Variants in TMEM217B observed in about 807,000 individuals in gnomAD.
TMEM217B encodes putative transmembrane protein 217B.
the TMEM217B span, among the ~76,000 whole-genome samples, chr6:37,242,141 G>A: frequency 7.9e-5 from 12 of 152,126 alleles, no homozygotes; most frequent in Non-Finnish European, 1.6e-4. Flanking sequence ...ACTGTGAAGG[G>A]CTTGATGTCC....
chr6:37,217,199 C>T, the TMEM217B span, among the ~76,000 whole-genome samples: 1 of 152,178 alleles, frequency 6.6e-6, no homozygotes, highest in Non-Finnish European at 1.5e-5. Flanking sequence ...GAGGCTGAAG[C>T]TGGAGAATCG....
chr6:37,252,356 A>G, the TMEM217B span, among the ~76,000 whole-genome samples: 5 of 152,116 alleles, frequency 3.3e-5, no homozygotes, highest in African/African-American at 1.2e-4. Context: ...ACAATGGCAG[A>G]GATGAATAGC....
chr6:37,251,975 C>T, the TMEM217B span, among the ~76,000 whole-genome samples: 1 of 152,140 alleles, frequency 6.6e-6, no homozygotes, highest in East Asian at 1.9e-4. Flanking sequence ...CTCACTGCAA[C>T]CTCCACCTCC....
At chr6:37,222,088 C>T in the TMEM217B span, among the ~76,000 whole-genome samples, 5 of 152,236 alleles carry the variant, frequency 3.3e-5, no homozygotes, top group African/African-American at 4.8e-5. Flanking sequence ...TCTAGCCATC[C>T]TCTGCCCTGC....
chr6:37,253,067 C>T, the TMEM217B span, among the ~76,000 whole-genome samples: 1 of 152,180 alleles, frequency 6.6e-6, no homozygotes, highest in Non-Finnish European at 1.5e-5. Context: ...CAATCTTTGA[C>T]AAAACCCATA....
the TMEM217B span, among the ~76,000 whole-genome samples, chr6:37,245,767 C>T: frequency 6.6e-6 from 1 of 150,672 alleles, no homozygotes; most frequent in Non-Finnish European, 1.5e-5. Flanking sequence ...GATCTACTAG[C>T]CTCTCATTTT....
chr6:37,240,789 G>C, the TMEM217B span, among the ~76,000 whole-genome samples: 3 of 152,028 alleles, frequency 2.0e-5, no homozygotes, highest in African/African-American at 7.3e-5. Context: ...ACATCAAATG[G>C]TTGTTACTAA....
the TMEM217B span, among the ~76,000 whole-genome samples, chr6:37,221,346 C>T: frequency 1.3e-3 from 196 of 152,232 alleles, no homozygotes; most frequent in Non-Finnish European, 2.4e-3. Flanking sequence ...ACCACCACAC[C>T]TGGCTAATTT....
At chr6:37,243,464 A>C in the TMEM217B span, among the ~76,000 whole-genome samples, 1 of 152,222 alleles carries the variant, frequency 6.6e-6, no homozygotes, top group African/African-American at 2.4e-5. Flanking sequence ...CCTGCTACAC[A>C]GACAAAACCA....
At chr6:37,239,891 TAAA>T in the TMEM217B span, among the ~76,000 whole-genome samples, 4 of 133,698 alleles carry the variant, frequency 3.0e-5, no homozygotes, top group Admixed American at 7.5e-5. Flanking sequence ...CCCAGCTCAT[TAAA>T]AAAAAAAAAA....
the TMEM217B span, chr6:37,257,792 A>C: frequency 9.7e-7 from 1 of 1,032,522 alleles, no homozygotes; most frequent in Non-Finnish European, 1.4e-6. Context: ...TGGCGTCCCC[A>C]GGAGCTGGGA....
chr6:37,252,633 A>T, the TMEM217B span, among the ~76,000 whole-genome samples: 129 of 75,204 alleles, frequency 1.7e-3, no homozygotes, highest in African/African-American at 7.1e-3. Flanking sequence ...ATATATATAT[A>T]TATATTTTTT....
chr6:37,233,486 T>A, the TMEM217B span, among the ~76,000 whole-genome samples: 1 of 152,142 alleles, frequency 6.6e-6, no homozygotes, highest in Non-Finnish European at 1.5e-5. Flanking sequence ...CATGCTCACA[T>A]GGGAGAAGGT....
chr6:37,215,104 G>A, the TMEM217B span: 19,423 of 1,524,104 alleles, frequency 0.013, 803 homozygotes, highest in African/African-American at 0.14. Flanking sequence ...TCCACCCTCG[G>A]CACCTCTCTC....
At chr6:37,213,672 A>G in the TMEM217B span, among the ~76,000 whole-genome samples, 1 of 152,252 alleles carries the variant, frequency 6.6e-6, no homozygotes, top group Non-Finnish European at 1.5e-5. Flanking sequence ...CCTGAGCTCT[A>G]GAGGTCAACT....
chr6:37,256,757 T>A, the TMEM217B span, among the ~76,000 whole-genome samples: 1 of 60,040 alleles, frequency 1.7e-5, no homozygotes, highest in East Asian at 4.8e-4. Flanking sequence ...GGGGTGGGGG[T>A]GGGGGACACG....
chr6:37,253,050 T>C, the TMEM217B span, among the ~76,000 whole-genome samples: 1 of 152,222 alleles, frequency 6.6e-6, no homozygotes, highest in African/African-American at 2.4e-5. Context: ...TTTTCCACGT[T>C]TTCTTCCAAT....
the TMEM217B span, among the ~76,000 whole-genome samples, chr6:37,230,365 C>A: frequency 1.3e-5 from 2 of 152,188 alleles, no homozygotes; most frequent in Non-Finnish European, 2.9e-5. Context: ...GCCATAAGGG[C>A]TGTTATGGGC....
chr6:37,240,105 T>G, the TMEM217B span, among the ~76,000 whole-genome samples: 1 of 152,222 alleles, frequency 6.6e-6, no homozygotes, highest in Admixed American at 6.5e-5. Flanking sequence ...TTTAAGTATG[T>G]GTGACTGTTT....
Sources: allele counts gnomAD v4.1 joint callset (sites outside exome capture counted in the v4.1 genomes callset), GRCh38; gene constraint gnomAD v4.1.1; transcripts MANE v1.5; gene names NCBI Gene and HGNC (gene_info 2026-07-23, HGNC 2026-07-21).